Variants in SLC10A7 observed in about 807,000 individuals in gnomAD.
SLC10A7 encodes sodium/bile acid cotransporter 7.
Under a neutral mutation model 43.2 loss-of-function variants are expected in SLC10A7, and 29 were observed. That is an observed-to-expected ratio of 0.67 (90% CI 0.50 to 0.92). The LOEUF (loss-of-function observed/expected upper bound fraction) is 0.92, where lower values mean the gene tolerates loss of function less well. Ranked by LOEUF, SLC10A7 falls within the 40% of genes least tolerant of loss-of-function variation. The pLI is 0.00. For missense variants in SLC10A7, 295 were observed against 403.2 expected, an observed-to-expected ratio of 0.73 and a Z score of 2.30; for synonymous variants, 152 against 144.8, an observed-to-expected ratio of 1.05 and a Z score of -0.35.
chr4:146,284,171 A>G (rs1165007384), intron 9 of SLC10A7, among the ~76,000 whole-genome samples: 1 of 152,170 alleles, frequency 6.6e-6, no homozygotes, highest in East Asian at 1.9e-4. Flanking sequence ...TCAGGATATC[A>G]GGATTTGACT....
At chr4:146,435,009 A>AT (rs10719115) in intron 5 of SLC10A7, among the ~76,000 whole-genome samples, 29,752 of 151,498 alleles carry the variant, frequency 0.2, 2,953 homozygotes, top group Middle Eastern at 0.22. Context: ...GGCAAGAATC[A>AT]TTTTTTTTTT....
intron 5 of SLC10A7, among the ~76,000 whole-genome samples, chr4:146,386,007 A>G (rs913485150): frequency 5.3e-5 from 8 of 152,116 alleles, no homozygotes; most frequent in Admixed American, 1.3e-4. Context: ...AGTTGATTCC[A>G]TGTTTTTGCT....
At chr4:146,433,979 T>C (rs1729999462) in intron 5 of SLC10A7, among the ~76,000 whole-genome samples, 1 of 152,190 alleles carries the variant, frequency 6.6e-6, no homozygotes. Context: ...AAGGGGGAAC[T>C]GCAAATATTT....
At chr4:146,294,492 T>C (rs1730648382) in intron 7 of SLC10A7, among the ~76,000 whole-genome samples, 1 of 152,182 alleles carries the variant, frequency 6.6e-6, no homozygotes, top group Admixed American at 6.5e-5. Context: ...TTTGGGAATC[T>C]TAAAAATCTG....
rs549280862 is a variant in SLC10A7 at position 146,356,929 on chromosome 4, C to T, written c.436-30933G>A. On this transcript the variant is annotated intron_variant, in intron 5 of 11. Coordinates refer to ENST00000335472, the MANE Select transcript of SLC10A7 (RefSeq NM_001029998.6). ...CTGGATTAATTTCAAATACAGTATA[C>T]CTTTATTGAAAGTTTCCAAGGAATA... Among the ~76,000 whole-genome samples, 17 of 152,218 alleles carry T rather than the reference C, an allele frequency of 1.1e-4. No homozygotes were observed. The East Asian group carries it at 3.3e-3, about 29-fold the overall frequency.
intron 10 of SLC10A7, among the ~76,000 whole-genome samples, chr4:146,263,389 A>C (rs1169525477): frequency 6.6e-6 from 1 of 152,206 alleles, no homozygotes. Context: ...GGTCAAAAGG[A>C]GTGTGTTGAA....
chr4:146,363,415 G>T (rs1262974697), intron 5 of SLC10A7, among the ~76,000 whole-genome samples: 1 of 152,102 alleles, frequency 6.6e-6, no homozygotes, highest in Non-Finnish European at 1.5e-5. Context: ...ATAATAGCTG[G>T]TGACTTCAAC....
chr4:146,501,145 C>A (rs572606039), intron 4 of SLC10A7, among the ~76,000 whole-genome samples: 1 of 152,272 alleles, frequency 6.6e-6, no homozygotes, highest in East Asian at 1.9e-4. Flanking sequence ...TCTTTTATAT[C>A]TATGCTCTCT....
In SLC10A7 at chr4:146,256,506, T is replaced by C; in HGVS notation, c.1008A>G (p.Thr336=). Residue 336 remains threonine (T), a synonymous_variant, in exon 12 of 12, where the codon ACA becomes ACG. Coordinates refer to ENST00000335472, the MANE Select transcript of SLC10A7 (RefSeq NM_001029998.6). Reference sequence around the variant, plus strand: ...ACCTCCTTTGTTATACTGTCGGCCTTGTCAGCTTCACTCCCTACAAGGAAG... The same window carrying C: ...ACCTCCTTTGTTATACTGTCGGCCTCGTCAGCTTCACTCCCTACAAGGAAG... ...MVSRQKGVKL[T]RPTV is the part of the protein sequence containing the mutation. 6.2e-7 allele frequency: 1 copy of C among 1,614,088 alleles called. No individual in the cohort carries two copies. The highest frequency in any genetic ancestry group is 8.5e-7 in the Non-Finnish European group (1 of 1,179,948).
intron 5 of SLC10A7, among the ~76,000 whole-genome samples, chr4:146,370,673 C>A (rs1210763677): frequency 6.6e-6 from 1 of 152,152 alleles, no homozygotes; most frequent in Non-Finnish European, 1.5e-5. Flanking sequence ...CCCCACAGCG[C>A]TCAGAGGTAC....
chr4:146,294,894 T>G (rs1344396426), intron 7 of SLC10A7, among the ~76,000 whole-genome samples: 1 of 152,192 alleles, frequency 6.6e-6, no homozygotes, highest in African/African-American at 2.4e-5. Flanking sequence ...AAACATTGTT[T>G]CACTTTTGAA....
intron 7 of SLC10A7, among the ~76,000 whole-genome samples, chr4:146,297,988 T>C (rs1436484391): frequency 6.6e-6 from 1 of 152,142 alleles, no homozygotes; most frequent in Non-Finnish European, 1.5e-5. Flanking sequence ...GCATAAAATG[T>C]TGAAAAGCTA....
intron 5 of SLC10A7, among the ~76,000 whole-genome samples, chr4:146,435,649 A>T (rs949430676): frequency 3.9e-5 from 6 of 152,188 alleles, no homozygotes; most frequent in Admixed American, 3.9e-4. Context: ...TTTAGTTTGA[A>T]GGAAAAAGAA....
At chr4:146,418,002 AGAT>A (rs140809624) in intron 5 of SLC10A7, among the ~76,000 whole-genome samples, 6,019 of 147,298 alleles carry the variant, frequency 0.041, 143 homozygotes, top group Non-Finnish European at 0.053. Flanking sequence ...ATATCTGAAC[AGAT>A]GATGATGATG....
chr4:146,386,161 C>T (rs1275838037), intron 5 of SLC10A7, among the ~76,000 whole-genome samples: 1 of 152,070 alleles, frequency 6.6e-6, no homozygotes, highest in Non-Finnish European at 1.5e-5. Context: ...CTCCAAACTG[C>T]TTTCCACAGT....
At chr4:146,480,484 G>A (rs748835611) in intron 4 of SLC10A7, among the ~76,000 whole-genome samples, 4 of 151,998 alleles carry the variant, frequency 2.6e-5, no homozygotes, top group African/African-American at 7.3e-5. Context: ...AGGACCCCAC[G>A]TCCTATTCTT....
At chr4:146,345,218 G>A (rs1258201270) in intron 5 of SLC10A7, among the ~76,000 whole-genome samples, 1 of 152,142 alleles carries the variant, frequency 6.6e-6, no homozygotes, top group African/African-American at 2.4e-5. Flanking sequence ...GGAACAGAGA[G>A]GGAGTCAAGA....
chr4:146,377,005 C>G (rs1737248298), intron 5 of SLC10A7, among the ~76,000 whole-genome samples: 1 of 152,116 alleles, frequency 6.6e-6, no homozygotes, highest in South Asian at 2.1e-4. Flanking sequence ...GAGGAACAGG[C>G]TATAACTTAA....
rs949176338 is a variant in SLC10A7 at position 146,261,856 on chromosome 4, T to C, written c.848-3019A>G. On this transcript the variant is annotated intron_variant, in intron 10 of 11. Transcript: ENST00000335472. ...GTACCCTCTCTATGCCACTCTCACA[T>C]GGTGGATTCACAAGTCAATCACTCG... is the stretch of plus-strand genomic sequence containing the variant. Among the ~76,000 whole-genome samples the C allele has an allele frequency of 1.0e-3, 157 of 152,202 alleles. 1 individual carries two copies. Among genetic ancestry groups the C allele is most frequent in the Non-Finnish European group, 2.8e-4 (19 of 68,030 alleles).
Sources: gnomAD v4.1 joint callset for allele counts (sites outside exome capture counted in the v4.1 genomes callset) on GRCh38, gnomAD v4.1.1 for gene constraint, MANE v1.5 for transcripts, NCBI Gene and HGNC (gene_info 2026-07-23, HGNC 2026-07-21) for gene names.